The following RBFOX1 variants were observed in gnomAD, a reference collection of about 807,000 sequenced individuals.
RBFOX1 encodes RNA binding protein fox-1 homolog 1.
A neutral mutation model predicts 57.7 loss-of-function variants in RBFOX1; 8 were observed. The ratio of observed to expected loss-of-function variants is 0.14; its 90% CI spans 0.08 to 0.25. The LOEUF (loss-of-function observed/expected upper bound fraction) is 0.25. RBFOX1 is among the 10% of genes least tolerant of loss of function. The pLI is 1.00. For missense variants in RBFOX1, 611 were observed against 548.5 expected (o/e 1.11, Z -1.14); for synonymous variants, 326 against 222.4 (o/e 1.47, Z -4.15).
At chr16:7,495,632 C>T (rs2068378172) in intron 4 of RBFOX1, among the ~76,000 whole-genome samples, 1 of 152,144 alleles carries the variant, frequency 6.6e-6, no homozygotes, top group Admixed American at 6.5e-5. Context: ...TGAGAAATGT[C>T]TGTTTGTGAC....
intron 3 of RBFOX1, among the ~76,000 whole-genome samples, chr16:6,866,149 A>G (rs546929780): frequency 6.6e-6 from 1 of 152,122 alleles, no homozygotes; most frequent in East Asian, 1.9e-4. Context: ...TCTAATATGC[A>G]TTTTTCTTTA....
intron 5 of RBFOX1, among the ~76,000 whole-genome samples, chr16:7,545,254 C>T (rs904280898): frequency 2.6e-5 from 4 of 152,052 alleles, no homozygotes; most frequent in Non-Finnish European, 5.9e-5. Context: ...CTTTCCTTTC[C>T]TGAAACAGCA....
rs186219713 is a variant in RBFOX1, at chr16:7,030,510, C to A, written c.-15-21547C>A. On this transcript the variant is annotated intron_variant, in intron 3 of 15. Coordinates refer to ENST00000550418, the MANE Select transcript of RBFOX1 (RefSeq NM_018723.4). ...TCTCCCACCTTCCAGTGGCTCCAGG[C>A]GTTCCTTGGTTTGTGGCCACATCAC... Among the ~76,000 whole-genome samples, 4 of 152,238 alleles carry A rather than the reference C, an allele frequency of 2.6e-5. No homozygotes were observed. The South Asian group carries it at 6.2e-4, about 24-fold the overall frequency.
intron 3 of RBFOX1, among the ~76,000 whole-genome samples, chr16:5,789,087 C>G (rs1481530091): frequency 6.6e-6 from 1 of 152,168 alleles, no homozygotes; most frequent in African/African-American, 2.4e-5. Flanking sequence ...TTCCCTCTCT[C>G]TCCCTCTTCC....
At chr16:6,236,863 T>A (rs1276427625) in intron 1 of RBFOX1, among the ~76,000 whole-genome samples, 2 of 152,282 alleles carry the variant, frequency 1.3e-5, no homozygotes, top group East Asian at 3.9e-4. Flanking sequence ...ATAGTGTAAG[T>A]GAGGAAATAG....
At chr16:7,410,993 T>G (rs1186170836) in intron 4 of RBFOX1, among the ~76,000 whole-genome samples, 4 of 152,168 alleles carry the variant, frequency 2.6e-5, no homozygotes, top group Non-Finnish European at 5.9e-5. Context: ...TCACCCAGGT[T>G]GGAGTACAGT....
At chr16:5,744,667 A>C (rs11867081) in intron 3 of RBFOX1, among the ~76,000 whole-genome samples, 5,597 of 152,270 alleles carry the variant, frequency 0.037, 345 homozygotes, top group African/African-American at 0.13. Flanking sequence ...TCTGAAATTA[A>C]ATGAAATAAA....
At chr16:7,638,864 C>T (rs2062246240) in intron 11 of RBFOX1, among the ~76,000 whole-genome samples, 2 of 152,078 alleles carry the variant, frequency 1.3e-5, no homozygotes, top group Admixed American at 6.5e-5. Context: ...GGCCGTAATT[C>T]TTACTTAAAA....
chr16:7,226,339 T>A (rs533193305), intron 4 of RBFOX1, among the ~76,000 whole-genome samples: 1 of 152,258 alleles, frequency 6.6e-6, no homozygotes, highest in East Asian at 1.9e-4. Context: ...TTCAAAGAAG[T>A]GCAGTGTGTA....
At chr16:5,526,844 T>G (rs940435270) in intron 2 of RBFOX1, among the ~76,000 whole-genome samples, 2 of 151,184 alleles carry the variant, frequency 1.3e-5, no homozygotes, top group Non-Finnish European at 2.9e-5. Flanking sequence ...AGTTTGAGTT[T>G]TGAAGTAAGA....
At chr16:7,306,828 A>G (rs916883805) in intron 4 of RBFOX1, among the ~76,000 whole-genome samples, 1 of 152,224 alleles carries the variant, frequency 6.6e-6, no homozygotes, top group Non-Finnish European at 1.5e-5. Flanking sequence ...CGGCTGATTA[A>G]GAGTGTGAAA....
chr16:6,615,453 C>G lies in RBFOX1; in HGVS notation c.-63-39150C>G, dbSNP rs187958804. ...GGTGTGCTGGTGGGTGCCTGTAATC[C>G]CAACTACTTGGGAGGCTGAGGCAGA... On this transcript the variant is annotated intron_variant, in intron 2 of 15. Transcript: ENST00000550418. Among the ~76,000 whole-genome samples the G allele has an allele frequency of 7.3e-4, 111 of 152,056 alleles. 1 individual carries two copies. Among genetic ancestry groups the G allele is most frequent in the South Asian group, 1.9e-3 (9 of 4,802 alleles).
At chr16:7,399,620 C>T (rs1425866730) in intron 4 of RBFOX1, among the ~76,000 whole-genome samples, 2 of 152,130 alleles carry the variant, frequency 1.3e-5, no homozygotes, top group East Asian at 3.9e-4. Flanking sequence ...GCATCTCGTC[C>T]ATTTCTGCCT....
At position 6,639,664 on chromosome 16, in the gene RBFOX1, C is replaced by T. The variant is rs187407803; in HGVS notation, c.-63-14939C>T. On this transcript the variant is annotated intron_variant, in intron 2 of 15. Transcript: ENST00000550418. ...GGCCGAGGCGGGCGGATCACGACGTCAGGAGATTGAGACCATCCTGGCTAA... is the reference window on the plus strand; with the variant it reads ...GGCCGAGGCGGGCGGATCACGACGTTAGGAGATTGAGACCATCCTGGCTAA... Among the ~76,000 whole-genome samples the T allele has an allele frequency of 1.7e-3, 265 of 152,130 alleles. 1 individual carries two copies. Among genetic ancestry groups the T allele is most frequent in the African/African-American group, 5.9e-3 (244 of 41,528 alleles).
intron 4 of RBFOX1, among the ~76,000 whole-genome samples, chr16:5,977,515 G>T (rs1165868275): frequency 6.6e-6 from 1 of 152,166 alleles, no homozygotes; most frequent in Non-Finnish European, 1.5e-5. Flanking sequence ...TCTGGAGAGA[G>T]CATGGCGATG....
At chr16:7,599,790 G>A (rs1017993364) in intron 9 of RBFOX1, among the ~76,000 whole-genome samples, 5 of 113,512 alleles carry the variant, frequency 4.4e-5, no homozygotes, top group Admixed American at 3.2e-4. Flanking sequence ...ATGCCACAAT[G>A]CCTGGCTAGT....
chr16:7,101,586 G>C (rs1032587070), intron 4 of RBFOX1, among the ~76,000 whole-genome samples: 1 of 152,132 alleles, frequency 6.6e-6, no homozygotes, highest in Non-Finnish European at 1.5e-5. Context: ...TTTTGGAAAA[G>C]ATCATATGAC....
chr16:7,183,905 G>A (rs944109531), intron 4 of RBFOX1, among the ~76,000 whole-genome samples: 2 of 152,148 alleles, frequency 1.3e-5, no homozygotes, highest in Non-Finnish European at 2.9e-5. Flanking sequence ...TAGTTTAAAG[G>A]GGATAGATGG....
chr16:7,220,823 G>A (rs983805300), intron 4 of RBFOX1, among the ~76,000 whole-genome samples: 2 of 152,028 alleles, frequency 1.3e-5, no homozygotes, highest in Non-Finnish European at 2.9e-5. Flanking sequence ...ATTTCCATGG[G>A]ATTCTCTTGA....
Sources: allele counts gnomAD v4.1 joint callset (sites outside exome capture counted in the v4.1 genomes callset), GRCh38; gene constraint gnomAD v4.1.1; transcripts MANE v1.5; gene names NCBI Gene and HGNC (gene_info 2026-07-23, HGNC 2026-07-21).